The following TVP23C variants were observed in gnomAD, a reference collection of about 807,000 sequenced individuals.
The protein encoded by TVP23C is trans-golgi network vesicle protein 23 homolog C.
A neutral mutation model predicts 28.7 loss-of-function variants in TVP23C; 19 were observed. The ratio of observed to expected loss-of-function variants is 0.66; its 90% CI spans 0.46 to 0.97. The LOEUF is 0.97. TVP23C is among the 50% of genes least tolerant of loss of function. The probability of loss-of-function intolerance (pLI) is 0.00; values close to 1 mark genes in which losing one functional copy is unlikely to be tolerated. For synonymous variants in TVP23C, 68 were observed against 81.7 expected (o/e 0.83, Z 0.90); for missense variants, 186 against 241.3 (o/e 0.77, Z 1.52).
In TVP23C at chr17:15,503,379, T is replaced by C. The variant is rs528883512; in HGVS notation, c.463-147A>G. 2,041 of 1,013,268 alleles carry C rather than the reference T, an allele frequency of 2.0e-3. 2 individuals carry two copies. The highest frequency in any genetic ancestry group is 2.6e-3 in the Non-Finnish European group (1,890 of 722,744). 62.8% of individuals were successfully genotyped at this position (1,013,268 alleles called of 1,614,324 possible). ...GTGACCACGCCACTGCACTCCAGCCTGGGCGACAGAGCAAGACCATGATAT... is the reference window on the plus strand; with the variant it reads ...GTGACCACGCCACTGCACTCCAGCCCGGGCGACAGAGCAAGACCATGATAT... On this transcript the variant is annotated intron_variant, in intron 5 of 5. Transcript: ENST00000225576.
intron 5 of TVP23C, among the ~76,000 whole-genome samples, chr17:15,521,370 G>A (rs1164738676): frequency 6.6e-6 from 1 of 152,162 alleles, no homozygotes; most frequent in Non-Finnish European, 1.5e-5. Flanking sequence ...CAGGCGTGGT[G>A]GTGGGCGCCT....
chr17:15,549,461 T>C (rs1422841893), intron 3 of TVP23C, among the ~76,000 whole-genome samples: 2 of 152,102 alleles, frequency 1.3e-5, no homozygotes, highest in Admixed American at 6.5e-5. Context: ...CCAGGCATGG[T>C]GGCTCACTTG....
intron 5 of TVP23C, among the ~76,000 whole-genome samples, chr17:15,511,906 T>A (rs1982021772): frequency 6.6e-6 from 1 of 152,234 alleles, no homozygotes; most frequent in Non-Finnish European, 1.5e-5. Flanking sequence ...AAATTAATTA[T>A]AGAAGTGCCA....
Position 15,538,476 on chromosome 17 carries a change from G to A in TVP23C, c.*1936C>T, listed in dbSNP as rs576509217. 1.0e-4 allele frequency: 73 copies of A among 708,948 alleles called. No individual in the cohort carries two copies. Among genetic ancestry groups the A allele is most frequent in the Middle Eastern group, 7.2e-4 (1 of 1,382 alleles). 43.9% of individuals were successfully genotyped at this position (708,948 alleles called of 1,614,324 possible). ...GTGGTGGCGGGCGCCTGCAATCCCA[G>A]CTACTCGGGAGGCTGAGGCAGAAGA... On this transcript the variant is annotated 3_prime_UTR_variant, in exon 6 of 6. Coordinates refer to ENST00000518321, the MANE Select transcript of TVP23C (RefSeq NM_001135036.2).
At chr17:15,519,018 C>T (rs948034240) in intron 5 of TVP23C, among the ~76,000 whole-genome samples, 3 of 152,130 alleles carry the variant, frequency 2.0e-5, no homozygotes, top group Non-Finnish European at 4.4e-5. Flanking sequence ...CTCTCGCTCT[C>T]CTGCCATCAT....
At chr17:15,524,339 C>T (rs1469698354) in intron 5 of TVP23C, among the ~76,000 whole-genome samples, 1 of 152,098 alleles carries the variant, frequency 6.6e-6, no homozygotes, top group East Asian at 1.9e-4. Context: ...TTTGATTAAA[C>T]AGCCATTGAG....
chr17:15,560,617 A>G (rs1435303523), intron 1 of TVP23C, among the ~76,000 whole-genome samples: 1 of 148,540 alleles, frequency 6.7e-6, no homozygotes, highest in Non-Finnish European at 1.5e-5. Context: ...GTGCAGTGGC[A>G]CGATCTCGGC....
Position 15,503,064 on chromosome 17 carries a change from G to C in TVP23C, c.631C>G (p.Arg211Gly), listed in dbSNP as rs759327453. 11 of 1,614,008 alleles carry C rather than the reference G, an allele frequency of 6.8e-6. No homozygotes were observed. In the Admixed American group the frequency reaches 1.5e-4, roughly 22 times the overall value. Residue 211 changes from arginine to glycine, a missense_variant, in exon 6 of 6, where the codon CGA becomes GGA. Arg to Gly is a moderately radical substitution (Grantham distance 125). Coordinates refer to the TVP23C transcript ENST00000225576. ...GGCGCAGGTTTCCAGTAAAGAGCTC[G>C]ATCCGTGATCCTCGTGAAAGAATTA...
Position 15,545,840 on chromosome 17 carries a change from A to C in TVP23C, c.407T>G (p.Val136Gly). 6.2e-7 allele frequency: 1 copy of C among 1,614,102 alleles called. No homozygotes were observed. Among genetic ancestry groups the C allele is most frequent in the Non-Finnish European group, 8.5e-7 (1 of 1,179,924 alleles). ...ACTAAAGGCAAATATCACCCACAGTACTGAACAGGCAATAAGTCCCAACCA... is the reference window on the plus strand; with the variant it reads ...ACTAAAGGCAAATATCACCCACAGTCCTGAACAGGCAATAAGTCCCAACCA... ...IFWLGLIACS[V>G]LWVIFAFSAL... The change falls in exon 5 of 6, where the codon GTA becomes GGA. Residue 136 changes from valine (V) to glycine (G), a missense_variant. Val to Gly is a moderately radical substitution (Grantham distance 109). Transcript: ENST00000518321.
chr17:15,511,766 C>T (rs1292206654), intron 5 of TVP23C, among the ~76,000 whole-genome samples: 2 of 151,982 alleles, frequency 1.3e-5, no homozygotes, highest in African/African-American at 2.4e-5. Flanking sequence ...AATTGTGTTT[C>T]GTGACTCTGG....
chr17:15,509,540 C>T (rs903194779), intron 5 of TVP23C, among the ~76,000 whole-genome samples: 8 of 152,348 alleles, frequency 5.3e-5, no homozygotes, highest in Non-Finnish European at 1.2e-4. Flanking sequence ...AGTAAAATGC[C>T]CTTCCATCCT....
chr17:15,547,369 T>A (rs1027173080), intron 3 of TVP23C, among the ~76,000 whole-genome samples: 1 of 151,986 alleles, frequency 6.6e-6, no homozygotes, highest in Non-Finnish European at 1.5e-5. Context: ...AAGCAACAAG[T>A]CCACCCATAA....
At position 15,540,573 on chromosome 17, in the gene TVP23C, G is replaced by T; in HGVS notation, c.463-12C>A. On this transcript the variant is annotated splice_polypyrimidine_tract_variant and intron_variant, in intron 5 of 5. Coordinates refer to ENST00000518321, the MANE Select transcript of TVP23C (RefSeq NM_001135036.2). ...ATAATAACCACCGCCTGGGACAAGGGAAAAAAATAATCAACGGTTACTGGC... is the reference window on the plus strand; with the variant it reads ...ATAATAACCACCGCCTGGGACAAGGTAAAAAAATAATCAACGGTTACTGGC... 1 of 1,609,152 alleles carries T rather than the reference G, an allele frequency of 6.2e-7. No individual in the cohort carries two copies. The highest frequency in any genetic ancestry group is 8.5e-7 in the Non-Finnish European group (1 of 1,177,996).
chr17:15,512,748 A>G (rs1597505729), intron 5 of TVP23C, among the ~76,000 whole-genome samples: 1 of 152,254 alleles, frequency 6.6e-6, no homozygotes, highest in Non-Finnish European at 1.5e-5. Context: ...ATATTAAGTT[A>G]CCAACTCCTA....
intron 2 of TVP23C, among the ~76,000 whole-genome samples, chr17:15,554,847 T>C (rs1984058310): frequency 6.6e-6 from 1 of 152,208 alleles, no homozygotes; most frequent in Non-Finnish European, 1.5e-5. Context: ...GCATGAAAGA[T>C]GAAAGAAAAG....
rs942228549 is a variant in TVP23C at position 15,557,509 on chromosome 17, G to A, written c.13-2145C>T. Among the ~76,000 whole-genome samples, 40 of 148,574 alleles carry A rather than the reference G, an allele frequency of 2.7e-4. 4 individuals are homozygous for A. Among genetic ancestry groups the A allele is most frequent in the Non-Finnish European group, 5.6e-4 (37 of 66,502 alleles). The stretch of plus-strand genomic sequence containing the variant: ...AGACAGAGTCTCACCACGTTGGCCA[G>A]GCTGGTTTCAAACTCCTGACCTCCA... On this transcript the variant is annotated intron_variant, in intron 1 of 5. Transcript: ENST00000518321.
At chr17:15,540,644 G>A (rs1158865562) in intron 5 of TVP23C, 83 bp from the exon 6 acceptor site, 4 of 970,856 alleles carry the variant, frequency 4.1e-6, no homozygotes, top group African/African-American at 1.6e-5. Flanking sequence ...AAGGCAGACT[G>A]TCATGAGAAA....
At chr17:15,502,940 C>T (rs756499599) in exon 6 of TVP23C, 1 of 1,614,050 alleles carries the variant, frequency 6.2e-7, no homozygotes, top group Non-Finnish European at 8.5e-7. Flanking sequence ...CTCCCCACCT[C>T]CCCTCCAGGC....
At chr17:15,553,862 T>C (rs1448808914) in intron 2 of TVP23C, 33 bp from the exon 3 acceptor site, 2 of 1,612,930 alleles carry the variant, frequency 1.2e-6, no homozygotes, top group Non-Finnish European at 1.7e-6. Flanking sequence ...AGAAATGCAA[T>C]TACATTTTAC....
Sources: allele counts gnomAD v4.1 joint callset (sites outside exome capture counted in the v4.1 genomes callset), GRCh38; gene constraint gnomAD v4.1.1; transcripts MANE v1.5; gene names NCBI Gene and HGNC (gene_info 2026-07-23, HGNC 2026-07-21).